EPHA3: variants seen among roughly 807,000 people sequenced by gnomAD.
EPHA3 encodes ephrin type-A receptor 3.
Under a neutral mutation model 107.1 loss-of-function variants are expected in EPHA3, and 42 were observed. The observed-to-expected ratio is 0.39, with a 90% CI of 0.31 to 0.51. The LOEUF (loss-of-function observed/expected upper bound fraction) is 0.51, where lower values mean the gene tolerates loss of function less well. EPHA3 is among the 20% of genes least tolerant of loss of function. The pLI is 0.78. For missense variants in EPHA3, 1,183 were observed against 1,211.2 expected, an observed-to-expected ratio of 0.98 and a Z score of 0.35; for synonymous variants, 461 against 424.8, an observed-to-expected ratio of 1.09 and a Z score of -1.05.
intron 3 of EPHA3, among the ~76,000 whole-genome samples, chr3:89,289,314 G>T (rs1042320049): frequency 6.6e-6 from 1 of 152,086 alleles, no homozygotes; most frequent in Non-Finnish European, 1.5e-5. Context: ...GACAGTACAG[G>T]ATGCTCATTA....
At chr3:89,321,329 C>T (rs1171818726) in intron 3 of EPHA3, among the ~76,000 whole-genome samples, 2 of 152,024 alleles carry the variant, frequency 1.3e-5, no homozygotes, top group African/African-American at 4.8e-5. Context: ...AAGTAATATA[C>T]AGATCTGCTG....
chr3:89,244,756 A>G lies in EPHA3; in HGVS notation c.814+34236A>G, dbSNP rs147421890. Reference sequence around the variant, plus strand: ...CAGCTTTATCAGTGGCTATAATGTGAACATTTCTTCAGCTATATGCCACAC... The same window carrying G: ...CAGCTTTATCAGTGGCTATAATGTGGACATTTCTTCAGCTATATGCCACAC... On this transcript the variant is annotated intron_variant, in intron 3 of 16. Transcript: ENST00000336596. 3.0e-4 allele frequency among the ~76,000 whole-genome samples: 46 copies of G among 152,332 alleles called. No individual in the cohort carries two copies. In the East Asian group the frequency reaches 8.7e-3, roughly 29 times the overall value.
intron 5 of EPHA3, among the ~76,000 whole-genome samples, chr3:89,388,090 A>G (rs1473256156): frequency 6.6e-6 from 1 of 152,234 alleles, no homozygotes; most frequent in Admixed American, 6.5e-5. Context: ...TTTTTACTAT[A>G]GAAATTGAAT....
rs1186054968 is a variant in EPHA3, at chr3:89,466,708, A to C, written c.2691-5756A>C. Among the ~76,000 whole-genome samples, 19 of 133,180 alleles carry C rather than the reference A, an allele frequency of 1.4e-4. 2 individuals carry two copies. The highest frequency in any genetic ancestry group is 3.0e-4 in the Admixed American group (4 of 13,454). 87.4% of individuals were successfully genotyped at this position (133,180 alleles called of 152,430 possible). ...TTCGGCTCGCGCACGGTGCGCACAC[A>C]CACTGGCCTGCGCCCACTGTCTGGC... On this transcript the variant is annotated intron_variant, in intron 15 of 16. Coordinates refer to ENST00000336596, the MANE Select transcript of EPHA3 (RefSeq NM_005233.6).
intron 15 of EPHA3, among the ~76,000 whole-genome samples, chr3:89,472,123 C>A (rs1349461846): frequency 8.5e-5 from 13 of 152,118 alleles, no homozygotes; most frequent in African/African-American, 3.1e-4. Flanking sequence ...GTGTGTCCTG[C>A]CTACTGTAAC....
Position 89,210,352 on chromosome 3 carries a change from G to T in EPHA3, c.646G>T (p.Val216Leu), listed in dbSNP as rs1267843219. The change falls in exon 3 of 17, where the codon GTA becomes TTA. Residue 216 changes from valine (V) to leucine (L), a missense_variant. Val to Leu is a conservative substitution (Grantham distance 32). Transcript: ENST00000336596. The stretch of plus-strand genomic sequence containing the variant: ...GAATCTGGCTATGTTTCCAGACACG[G>T]TACCCATGGACTCCCAGTCCCTGGT... ...VKNLAMFPDT[V>L]PMDSQSLVEV... 6.2e-7 allele frequency: 1 copy of T among 1,613,758 alleles called. No homozygotes were observed. Among genetic ancestry groups the T allele is most frequent in the East Asian group, 2.2e-5 (1 of 44,868 alleles).
chr3:89,228,865 A>G (rs1229095215), intron 3 of EPHA3, among the ~76,000 whole-genome samples: 1 of 151,950 alleles, frequency 6.6e-6, no homozygotes, highest in African/African-American at 2.4e-5. Flanking sequence ...ATATAAACTA[A>G]AGATTCACAG....
intron 2 of EPHA3, 147 bp from the exon 3 acceptor site, chr3:89,209,713 A>G: frequency 1.6e-6 from 1 of 643,564 alleles, no homozygotes; most frequent in East Asian, 2.9e-5. Flanking sequence ...ATTAACTCAG[A>G]GAACCTTGCA....
Position 89,421,060 on chromosome 3 carries a change from A to G in EPHA3, c.2074+1670A>G, listed in dbSNP as rs546626930. ...TTCTGTTCATTTCACCCCATCCCCA[A>G]CTCTGAACCCAAACAGGTTTCTACT... On this transcript the variant is annotated intron_variant, in intron 11 of 16. Coordinates refer to ENST00000336596, the MANE Select transcript of EPHA3 (RefSeq NM_005233.6). 8.6e-5 allele frequency among the ~76,000 whole-genome samples: 13 copies of G among 151,220 alleles called. No homozygotes were observed. In the South Asian group the frequency reaches 2.1e-3, roughly 24 times the overall value.
At chr3:89,440,394 C>T (rs572238060) in intron 13 of EPHA3, among the ~76,000 whole-genome samples, 7 of 152,248 alleles carry the variant, frequency 4.6e-5, no homozygotes, top group Middle Eastern at 3.4e-3. Context: ...ACCAGCAAAC[C>T]TTTCCTAAAT....
chr3:89,411,458 C>T (rs1441792252), intron 9 of EPHA3, among the ~76,000 whole-genome samples: 1 of 151,848 alleles, frequency 6.6e-6, no homozygotes, highest in African/African-American at 2.4e-5. Context: ...TCCCTATTTG[C>T]CCTCTCACCA....
chr3:89,244,624 GTAT>G (rs1385293301), intron 3 of EPHA3, among the ~76,000 whole-genome samples: 9 of 152,060 alleles, frequency 5.9e-5, no homozygotes, highest in African/African-American at 2.2e-4. Context: ...GAGAAAAGAA[GTAT>G]TATAGAAAAT....
chr3:89,114,853 G>C (rs1306845504), intron 1 of EPHA3, among the ~76,000 whole-genome samples: 1 of 152,244 alleles, frequency 6.6e-6, no homozygotes, highest in Non-Finnish European at 1.5e-5. Flanking sequence ...TTACCTGGGC[G>C]TCAGTAAGAC....
chr3:89,265,567 C>A (rs1414993626), intron 3 of EPHA3, among the ~76,000 whole-genome samples: 2 of 151,940 alleles, frequency 1.3e-5, no homozygotes, highest in Non-Finnish European at 2.9e-5. Context: ...TTTATATTCT[C>A]ATTTAGGATA....
chr3:89,264,796 A>C (rs1317990035), intron 3 of EPHA3, among the ~76,000 whole-genome samples: 1 of 152,130 alleles, frequency 6.6e-6, no homozygotes. Flanking sequence ...AAACAGTAGG[A>C]GTTTTGTGCC....
chr3:89,400,636 C>CATGT (rs1553690419), intron 7 of EPHA3, among the ~76,000 whole-genome samples: 3 of 145,228 alleles, frequency 2.1e-5, no homozygotes, highest in Admixed American at 6.8e-5. Flanking sequence ...TGTGTGTGAG[C>CATGT]GTGTGTGTGT....
At chr3:89,290,154 T>C (rs944704396) in intron 3 of EPHA3, among the ~76,000 whole-genome samples, 2 of 152,156 alleles carry the variant, frequency 1.3e-5, no homozygotes, top group African/African-American at 4.8e-5. Flanking sequence ...TATCACCTTT[T>C]CTTCTTATCA....
intron 13 of EPHA3, among the ~76,000 whole-genome samples, chr3:89,433,602 T>C (rs1419721883): frequency 6.6e-6 from 1 of 151,614 alleles, no homozygotes; most frequent in Non-Finnish European, 1.5e-5. Context: ...TGAATCTAAA[T>C]TTTTTTTTAA....
intron 2 of EPHA3, among the ~76,000 whole-genome samples, chr3:89,207,820 G>A (rs147187604): frequency 6.6e-6 from 1 of 152,020 alleles, no homozygotes; most frequent in East Asian, 1.9e-4. Context: ...TTACTTATAA[G>A]AAAAATAATA....
Sources: allele counts gnomAD v4.1 joint callset (sites outside exome capture counted in the v4.1 genomes callset), GRCh38; gene constraint gnomAD v4.1.1; transcripts MANE v1.5; gene names NCBI Gene and HGNC (gene_info 2026-07-23, HGNC 2026-07-21).